Variants in MYT1L observed in about 807,000 individuals in gnomAD.
MYT1L encodes the protein myelin transcription factor 1-like protein.
In MYT1L, 12 loss-of-function variants were observed where a neutral mutation model predicts 126.7. The observed-to-expected ratio is 0.09, with a 90% CI of 0.06 to 0.15. The LOEUF is 0.15. Among genes scored for constraint, MYT1L ranks in the 10% least tolerant of loss-of-function variants. The probability of loss-of-function intolerance (pLI) is 1.00; values close to 1 mark genes in which losing one functional copy is unlikely to be tolerated. For missense variants in MYT1L, 979 were observed against 1,585.2 expected, an observed-to-expected ratio of 0.62 and a Z score of 6.49; for synonymous variants, 541 against 604.2, an observed-to-expected ratio of 0.90 and a Z score of 1.53.
At chr2:1,817,235 G>A (rs2037799978) in intron 21 of MYT1L, among the ~76,000 whole-genome samples, 1 of 152,218 alleles carries the variant, frequency 6.6e-6, no homozygotes, top group African/African-American at 2.4e-5. Context: ...TTAATTAAGT[G>A]CATGGGAGAG....
intron 23 of MYT1L, among the ~76,000 whole-genome samples, chr2:1,797,018 T>A (rs532819908): frequency 2.0e-4 from 30 of 152,320 alleles, no homozygotes; most frequent in Non-Finnish European, 4.0e-4. Context: ...TGCTCCGGGC[T>A]CTGGTGTGAA....
At chr2:2,065,807 C>A (rs1189837540) in intron 3 of MYT1L, among the ~76,000 whole-genome samples, 1 of 145,230 alleles carries the variant, frequency 6.9e-6, no homozygotes, top group African/African-American at 2.6e-5. Context: ...TAGGGCATAT[C>A]AATCTCTCTC....
At chr2:2,275,056 C>T (rs1017678911) in intron 2 of MYT1L, among the ~76,000 whole-genome samples, 1 of 152,116 alleles carries the variant, frequency 6.6e-6, no homozygotes, top group Non-Finnish European at 1.5e-5. Flanking sequence ...TCAGCGGGAG[C>T]CAGTGTGCTG....
chr2:2,132,995 A>G (rs1438229631), intron 3 of MYT1L, among the ~76,000 whole-genome samples: 1 of 151,994 alleles, frequency 6.6e-6, no homozygotes, highest in Non-Finnish European at 1.5e-5. Context: ...TTCACTGACA[A>G]TTGCTAAGTT....
intron 8 of MYT1L, among the ~76,000 whole-genome samples, chr2:1,977,077 T>TTC (rs1350423116): frequency 6.6e-6 from 1 of 152,194 alleles, no homozygotes; most frequent in Non-Finnish European, 1.5e-5. Context: ...ATATTTGGTG[T>TTC]TCTAATAATT....
chr2:1,885,570 A>G (rs965558599), intron 18 of MYT1L: 3 of 152,660 alleles, frequency 2.0e-5, no homozygotes, highest in Non-Finnish European at 2.9e-5. Flanking sequence ...GGGTCCTCGG[A>G]TGCCGAGGTG....
At chr2:1,976,753 CTTAAGT>C (rs1467866243) in intron 8 of MYT1L, among the ~76,000 whole-genome samples, 3 of 152,218 alleles carry the variant, frequency 2.0e-5, no homozygotes, top group Non-Finnish European at 2.9e-5. Flanking sequence ...AGGGACACTT[CTTAAGT>C]TTAAGAAATT....
intron 3 of MYT1L, among the ~76,000 whole-genome samples, chr2:2,091,806 T>G (rs2076939704): frequency 6.6e-6 from 1 of 152,226 alleles, no homozygotes; most frequent in Admixed American, 6.5e-5. Flanking sequence ...CTTGCACTTT[T>G]ATGTTACAGA....
chr2:1,826,722 G>A (rs941506829), intron 21 of MYT1L, among the ~76,000 whole-genome samples: 7 of 152,174 alleles, frequency 4.6e-5, no homozygotes, highest in Non-Finnish European at 1.5e-5. Context: ...CTTGGAGGGT[G>A]TCTGGGCCTG....
chr2:1,860,660 G>A (rs1269232087), intron 18 of MYT1L, among the ~76,000 whole-genome samples: 3 of 152,200 alleles, frequency 2.0e-5, no homozygotes, highest in Non-Finnish European at 4.4e-5. Flanking sequence ...GATGAGATGT[G>A]TAAGACTGAG....
intron 3 of MYT1L, among the ~76,000 whole-genome samples, chr2:2,151,910 G>T (rs1381097490): frequency 6.6e-6 from 1 of 152,078 alleles, no homozygotes; most frequent in Non-Finnish European, 1.5e-5. Flanking sequence ...CAAAAAATTA[G>T]CCAGGTGTGG....
chr2:1,888,501 A>G (rs2048427706), intron 16 of MYT1L, among the ~76,000 whole-genome samples: 1 of 152,190 alleles, frequency 6.6e-6, no homozygotes, highest in Non-Finnish European at 1.5e-5. Flanking sequence ...TTGTTTCTGT[A>G]AGACACTAGT....
chr2:2,075,834 C>T (rs540334367), intron 3 of MYT1L, among the ~76,000 whole-genome samples: 1 of 152,320 alleles, frequency 6.6e-6, no homozygotes. Context: ...CTGGAAAGTA[C>T]TGGATTTTGA....
At chr2:2,219,243 G>A (rs907185385) in intron 2 of MYT1L, among the ~76,000 whole-genome samples, 1 of 152,106 alleles carries the variant, frequency 6.6e-6, no homozygotes, top group Non-Finnish European at 1.5e-5. Context: ...TTTAGTCAAC[G>A]GCTAATCCTA....
intron 18 of MYT1L, among the ~76,000 whole-genome samples, chr2:1,867,957 T>G (rs1322478450): frequency 6.6e-6 from 1 of 151,432 alleles, no homozygotes. Flanking sequence ...GGAAGCAACT[T>G]TGGCTCTATG....
chr2:1,939,868 G>T (rs1043645493), intron 9 of MYT1L, among the ~76,000 whole-genome samples: 1 of 152,222 alleles, frequency 6.6e-6, no homozygotes, highest in African/African-American at 2.4e-5. Flanking sequence ...CAATGGAGAC[G>T]TCCTTCTCCC....
At chr2:1,994,849 T>C (rs2061704349) in intron 5 of MYT1L, among the ~76,000 whole-genome samples, 1 of 152,246 alleles carries the variant, frequency 6.6e-6, no homozygotes, top group Non-Finnish European at 1.5e-5. Context: ...ATTATCTTAA[T>C]GATTTTTCTA....
chr2:1,826,442 C>T (rs2148210878), intron 21 of MYT1L, among the ~76,000 whole-genome samples: 1 of 152,278 alleles, frequency 6.6e-6, no homozygotes, highest in Admixed American at 6.5e-5. Context: ...GCGCTCCACC[C>T]TGGTCAGCGC....
intron 3 of MYT1L, among the ~76,000 whole-genome samples, chr2:2,159,804 T>A (rs1490657093): frequency 1.3e-5 from 2 of 152,042 alleles, no homozygotes; most frequent in African/African-American, 4.8e-5. Flanking sequence ...TACCTTTGCA[T>A]TAAATTGTTG....
Sources: allele counts gnomAD v4.1 joint callset (sites outside exome capture counted in the v4.1 genomes callset), GRCh38; gene constraint gnomAD v4.1.1; transcripts MANE v1.5; gene names NCBI Gene and HGNC (gene_info 2026-07-23, HGNC 2026-07-21).